SLC12A5: variants seen among roughly 807,000 people sequenced by gnomAD.
SLC12A5 encodes the protein solute carrier family 12 member 5.
In SLC12A5, 18 loss-of-function variants were observed where a neutral mutation model predicts 124.0. The ratio of observed to expected loss-of-function variants is 0.15; its 90% CI spans 0.10 to 0.22. The LOEUF (loss-of-function observed/expected upper bound fraction) is 0.22, where lower values mean the gene tolerates loss of function less well. Among genes scored for constraint, SLC12A5 ranks in the 10% least tolerant of loss-of-function variants. The pLI, the probability that SLC12A5 is intolerant of heterozygous loss-of-function variation, is 1.00. For synonymous variants in SLC12A5, 589 were observed against 568.0 expected, an observed-to-expected ratio of 1.04 and a Z score of -0.53; for missense variants, 867 against 1,478.7, an observed-to-expected ratio of 0.59 and a Z score of 6.78.
chr20:46,022,266 G>T (rs1369084355), intron 1 of SLC12A5, among the ~76,000 whole-genome samples: 1 of 151,786 alleles, frequency 6.6e-6, no homozygotes, highest in Non-Finnish European at 1.5e-5. Context: ...GTGAGGAGGT[G>T]GAACTAGGGA....
At chr20:46,038,398 G>A (rs2084516296) in intron 6 of SLC12A5, 1 of 152,010 alleles carries the variant, frequency 6.6e-6, no homozygotes, top group Admixed American at 6.5e-5. Context: ...ATGTTGCTCA[G>A]GCTGGTCTCA....
upstream of SLC12A5, among the ~76,000 whole-genome samples, chr20:46,024,605 G>A (rs1250786892): frequency 3.3e-5 from 5 of 152,226 alleles, no homozygotes; most frequent in African/African-American, 1.2e-4. Flanking sequence ...TGGTGTGGGT[G>A]TGTATTATCT....
At chr20:46,022,003 C>T in intron 1 of SLC12A5, 1 of 1,224,390 alleles carries the variant, frequency 8.2e-7, no homozygotes, top group Non-Finnish European at 1.1e-6. Flanking sequence ...GGGGTCCCAG[C>T]CCTAGGCCTG....
At chr20:46,051,308 T>C (rs1446566608) in intron 17 of SLC12A5, among the ~76,000 whole-genome samples, 3 of 151,922 alleles carry the variant, frequency 2.0e-5, no homozygotes, top group African/African-American at 7.3e-5. Flanking sequence ...CTGGTCTGGG[T>C]GGGGGTGGTA....
rs369440408 is a variant in SLC12A5, at chr20:46,035,765, C to T, written c.280-12C>T. 8 of 1,606,334 alleles carry T rather than the reference C, an allele frequency of 5.0e-6. No homozygotes were observed. Among genetic ancestry groups the T allele is most frequent in the Non-Finnish European group, 6.8e-6 (8 of 1,175,452 alleles). On this transcript the variant is annotated splice_polypyrimidine_tract_variant and intron_variant, in intron 3 of 25. Transcript: ENST00000243964. ...TGAGGACTGCAGAGACTGATGCTGGCCTCCCTGGCAGGCCCCACGCATGGG... is the reference window on the plus strand; with the variant it reads ...TGAGGACTGCAGAGACTGATGCTGGTCTCCCTGGCAGGCCCCACGCATGGG...
Position 46,047,364 on chromosome 20 carries a change from C to G in SLC12A5, c.1788-90C>G. On this transcript the variant is annotated intron_variant, in intron 14 of 25. Transcript: ENST00000243964. ...TGTCACCTCCCAGGTCTTGCCCATG[C>G]CCTGCCCCATCTCCCTCTTGCTTTC... The G allele has an allele frequency of 1.9e-6, 3 of 1,553,464 alleles. 1 individual carries two copies. In the South Asian group the frequency reaches 3.7e-5, roughly 19 times the overall value.
At chr20:46,034,282 A>T (rs1331409580) in intron 1 of SLC12A5, among the ~76,000 whole-genome samples, 2 of 152,140 alleles carry the variant, frequency 1.3e-5, no homozygotes, top group African/African-American at 2.4e-5. Flanking sequence ...GAAGACTCCC[A>T]TGACCTCCCA....
At position 46,057,801 on chromosome 20, in the gene SLC12A5, A is replaced by C; in HGVS notation, c.*196A>C. On this transcript the variant is annotated 3_prime_UTR_variant, in exon 26 of 26. Coordinates refer to ENST00000243964, the MANE Select transcript of SLC12A5 (RefSeq NM_020708.5). This position sits in a 1 kb window ranked among gnomAD's most constrained non-coding sequence, Gnocchi z 7.1. ...GGGCGCCCCGCCGCGCAGAGACCAG[A>C]GCTCCTCAGTGCCAGTTTGGCCCCT... 1.8e-6 allele frequency: 1 copy of C among 542,472 alleles called. No individual in the cohort carries two copies. The allele number at this position is 542,472 out of a possible 1,614,324, so 33.6% of individuals were successfully genotyped here.
chr20:46,035,550 G>A lies in SLC12A5; in HGVS notation c.279+15G>A. The A allele has an allele frequency of 6.2e-7, 1 of 1,607,822 alleles. No homozygotes were observed. The highest frequency in any genetic ancestry group is 8.5e-7 in the Non-Finnish European group (1 of 1,177,136). On this transcript the variant is annotated intron_variant, in intron 3 of 25. Coordinates refer to ENST00000243964, the MANE Select transcript of SLC12A5 (RefSeq NM_020708.5). The stretch of plus-strand genomic sequence containing the variant: ...AGCCGGTGCAGGTGAGGACCTCGGG[G>A]GATGAGAAATGGAAGAAAAGGGACG...
chr20:46,028,982 C>A, upstream of SLC12A5: 1 of 362,204 alleles, frequency 2.8e-6, no homozygotes, highest in Non-Finnish European at 4.3e-6. Flanking sequence ...CCGAAGCACC[C>A]CCTTCATCCC....
upstream of SLC12A5, among the ~76,000 whole-genome samples, chr20:46,028,494 T>C (rs943746409): frequency 1.3e-5 from 2 of 152,222 alleles, no homozygotes; most frequent in South Asian, 2.1e-4. Context: ...CTCTTGTCAG[T>C]CTAAGCACAA....
chr20:46,029,860 G>C (rs1046020780), intron 1 of SLC12A5, among the ~76,000 whole-genome samples: 5 of 93,096 alleles, frequency 5.4e-5, no homozygotes, highest in African/African-American at 1.4e-4. Context: ...AGAGGTGGCT[G>C]TGTGTGTGTG....
intron 1 of SLC12A5, chr20:46,022,057 C>T (rs1040838784): frequency 1.3e-6 from 1 of 748,894 alleles, no homozygotes; most frequent in Non-Finnish European, 1.8e-6. Context: ...GGGCCGGGGC[C>T]GCGGAACGCA....
Position 46,053,727 on chromosome 20 carries a change from A to G in SLC12A5, c.2679+18A>G. On this transcript the variant is annotated intron_variant, in intron 20 of 25. Coordinates refer to ENST00000243964, the MANE Select transcript of SLC12A5 (RefSeq NM_020708.5). This position sits in a 1 kb window ranked among gnomAD's most constrained non-coding sequence, Gnocchi z 4.7. ...TGGAGATGGTGAGTCCCCAGGAGAC[A>G]CCGCTGGGGTTCCACCTGGCCCTCT... is the stretch of plus-strand genomic sequence containing the variant. The G allele has an allele frequency of 6.4e-7, 1 of 1,550,868 alleles. No individual in the cohort carries two copies. Among genetic ancestry groups the G allele is most frequent in the Admixed American group, 1.8e-5 (1 of 54,812 alleles).
At chr20:46,029,793 G>C (rs1408304681) in intron 1 of SLC12A5, among the ~76,000 whole-genome samples, 1 of 152,258 alleles carries the variant, frequency 6.6e-6, no homozygotes, top group East Asian at 1.9e-4. Context: ...CGTGGAGCCG[G>C]GGGGCGCAGT....
upstream of SLC12A5, chr20:46,029,196 G>A: frequency 6.9e-7 from 1 of 1,441,654 alleles, no homozygotes; most frequent in Non-Finnish European, 9.1e-7. Context: ...GCGAGTGTGT[G>A]TGCGCCGGGC....
intron 1 of SLC12A5, among the ~76,000 whole-genome samples, chr20:46,032,225 G>A (rs2084459498): frequency 1.3e-5 from 2 of 152,340 alleles, no homozygotes; most frequent in Admixed American, 1.3e-4. Flanking sequence ...AGACCGGCGC[G>A]GGGCCACCTA....
chr20:46,029,041 C>A (rs2084421208), upstream of SLC12A5: 1 of 1,022,112 alleles, frequency 9.8e-7, no homozygotes, highest in Non-Finnish European at 1.3e-6. Context: ...TAGTCGGGCT[C>A]TGCCCGCCCC....
chr20:46,057,182 C>T lies in SLC12A5; in HGVS notation c.3138C>T (p.Asn1046=). 6.2e-7 allele frequency: 1 copy of T among 1,614,192 alleles called. No individual in the cohort carries two copies. The highest frequency in any genetic ancestry group is 8.5e-7 in the Non-Finnish European group (1 of 1,180,038). Residue 1046 remains asparagine (N), a synonymous_variant, in exon 25 of 26, where the codon AAC becomes AAT. Transcript: ENST00000243964. The surrounding 1 kb of genome is among the most constrained non-coding windows in gnomAD (Gnocchi z 7.1). The stretch of plus-strand genomic sequence containing the variant: ...CTTCCTGCCGCAGGAACCAGTCCAA[C>T]GTGCGGCGCATGCACACGGCCGTGC... ...KPEWENLNQS[N]VRRMHTAVRL...
Sources: allele counts gnomAD v4.1 joint callset (sites outside exome capture counted in the v4.1 genomes callset), GRCh38; gene constraint gnomAD v4.1.1; non-coding constraint Gnocchi (gnomAD v3.1); transcripts MANE v1.5; gene names NCBI Gene and HGNC (gene_info 2026-07-23, HGNC 2026-07-21).